Variants in ITGB1 observed in about 807,000 individuals in gnomAD.
ITGB1 encodes the protein integrin beta-1.
A neutral mutation model predicts 86.5 loss-of-function variants in ITGB1; 24 were observed. The observed-to-expected ratio is 0.28, with a 90% confidence interval of 0.20 to 0.39. The LOEUF is 0.39. Ranked by LOEUF, ITGB1 falls within the 10% of genes least tolerant of loss-of-function variation. ITGB1 has a pLI of 1.00. For missense variants in ITGB1, 556 were observed against 946.9 expected (o/e 0.59, Z 5.42); for synonymous variants, 323 against 316.8 (o/e 1.02, Z -0.21).
chr10:32,939,256 T>C (rs1384109628), intron 1 of ITGB1, among the ~76,000 whole-genome samples: 1 of 152,192 alleles, frequency 6.6e-6, no homozygotes, highest in Non-Finnish European at 1.5e-5. Context: ...GAAAGATGCC[T>C]TTCAGTTGCT....
intron 1 of ITGB1, among the ~76,000 whole-genome samples, chr10:32,939,247 A>G (rs974515036): frequency 6.6e-6 from 1 of 152,198 alleles, no homozygotes; most frequent in African/African-American, 2.4e-5. Flanking sequence ...GATAACAGGG[A>G]AAGATGCCTT....
intron 1 of ITGB1, among the ~76,000 whole-genome samples, chr10:32,952,149 G>A (rs2095043898): frequency 6.6e-6 from 1 of 151,864 alleles, no homozygotes; most frequent in South Asian, 2.1e-4. Flanking sequence ...GCTGTAAACA[G>A]TATCTAATTG....
chr10:32,952,777 T>C (rs2095045071), intron 1 of ITGB1, among the ~76,000 whole-genome samples: 1 of 152,178 alleles, frequency 6.6e-6, no homozygotes, highest in African/African-American at 2.4e-5. Flanking sequence ...CTTCATCTCC[T>C]CACCAACCAC....
intron 3 of ITGB1, among the ~76,000 whole-genome samples, chr10:32,932,178 T>C (rs1448545171): frequency 6.6e-6 from 1 of 152,092 alleles, no homozygotes; most frequent in Non-Finnish European, 1.5e-5. Flanking sequence ...AATTGTTTAG[T>C]AGCCACACTA....
At chr10:32,923,892 A>C (rs2094957275) in intron 6 of ITGB1, 152 bp from the exon 7 acceptor site, 2 of 668,790 alleles carry the variant, frequency 3.0e-6, no homozygotes, top group Non-Finnish European at 5.0e-6. Flanking sequence ...CTTGCTGAGA[A>C]ACACACAAAG....
chr10:32,910,082 T>C, intron 14 of ITGB1, 141 bp downstream of exon 14: 1 of 632,730 alleles, frequency 1.6e-6, no homozygotes, highest in Non-Finnish European at 2.8e-6. Flanking sequence ...TAGATAATAT[T>C]TTAAGCTTTG....
intron 1 of ITGB1, among the ~76,000 whole-genome samples, chr10:32,948,773 C>G (rs1324971965): frequency 6.6e-6 from 1 of 152,148 alleles, no homozygotes; most frequent in African/African-American, 2.4e-5. Flanking sequence ...TAATGGACTT[C>G]CCAGCCCCCA....
At chr10:32,911,697 A>T in intron 12 of ITGB1, 27 bp from the exon 13 acceptor site, 1 of 1,605,996 alleles carries the variant, frequency 6.2e-7, no homozygotes, top group Non-Finnish European at 8.5e-7. Flanking sequence ...CATTTCTCAA[A>T]ATGGTAAAAA....
At chr10:32,945,670 T>C (rs562287741) in intron 1 of ITGB1, among the ~76,000 whole-genome samples, 1 of 152,110 alleles carries the variant, frequency 6.6e-6, no homozygotes, top group Admixed American at 6.5e-5. Context: ...TACATGTCAT[T>C]TGGGGAAAGT....
At chr10:32,948,529 G>A (rs548642493) in intron 1 of ITGB1, among the ~76,000 whole-genome samples, 46 of 152,122 alleles carry the variant, frequency 3.0e-4, no homozygotes, top group Non-Finnish European at 5.9e-4. Context: ...CAAGGTTCAC[G>A]TGTTGGAAAC....
intron 1 of ITGB1, among the ~76,000 whole-genome samples, chr10:32,941,420 A>G (rs1028979669): frequency 1.3e-5 from 2 of 152,198 alleles, no homozygotes; most frequent in South Asian, 2.1e-4. Flanking sequence ...AAATCTTAAA[A>G]TATCAGAAAG....
At chr10:32,932,804 G>T in intron 2 of ITGB1, 1 of 449,614 alleles carries the variant, frequency 2.2e-6, no homozygotes, top group Non-Finnish European at 4.1e-6. Flanking sequence ...GTGTATACAT[G>T]TATGGGGTAC....
chr10:32,934,862 T>C (rs1271935052), intron 2 of ITGB1, among the ~76,000 whole-genome samples: 1 of 152,204 alleles, frequency 6.6e-6, no homozygotes, highest in South Asian at 2.1e-4. Context: ...AACTTATCAA[T>C]ACTTTCTTTT....
chr10:32,930,119 A>T, intron 3 of ITGB1, 75 bp from the exon 4 acceptor site: 3 of 738,298 alleles, frequency 4.1e-6, no homozygotes, highest in Non-Finnish European at 7.1e-6. Context: ...ATTGCAAATA[A>T]GCAATTAAAT....
At chr10:32,939,726 G>GAGTA (rs1332881008) in intron 1 of ITGB1, among the ~76,000 whole-genome samples, 2 of 886 alleles carry the variant, frequency 2.3e-3, no homozygotes, top group Non-Finnish European at 0.013. Flanking sequence ...GTGGGTAAGT[G>GAGTA]AGTGAGTGAG....
intron 9 of ITGB1, 70 bp from the exon 10 acceptor site, chr10:32,920,455 A>G: frequency 7.3e-7 from 1 of 1,367,490 alleles, no homozygotes; most frequent in Non-Finnish European, 1.0e-6. Flanking sequence ...AAACCAATGG[A>G]TAAACTGCTC....
intron 1 of ITGB1, among the ~76,000 whole-genome samples, chr10:32,940,621 G>C (rs2095016162): frequency 6.6e-6 from 1 of 152,188 alleles, no homozygotes; most frequent in Admixed American, 6.5e-5. Flanking sequence ...AAGTCATTAT[G>C]TGGCACATAA....
chr10:32,953,347 C>T (rs1284088087), intron 1 of ITGB1, among the ~76,000 whole-genome samples: 1 of 152,198 alleles, frequency 6.6e-6, no homozygotes, highest in African/African-American at 2.4e-5. Context: ...CATCAAAGAG[C>T]ATGCCAACTT....
intron 1 of ITGB1, among the ~76,000 whole-genome samples, chr10:32,947,444 T>TGTGC (rs2095033953): frequency 6.6e-6 from 1 of 151,024 alleles, no homozygotes; most frequent in African/African-American, 2.4e-5. Context: ...TGTGTGTGTG[T>TGTGC]GTGTGTGTGT....
Sources: gnomAD v4.1 joint callset for allele counts (sites outside exome capture counted in the v4.1 genomes callset) on GRCh38, gnomAD v4.1.1 for gene constraint, MANE v1.5 for transcripts, NCBI Gene and HGNC (gene_info 2026-07-23, HGNC 2026-07-21) for gene names.